Variants in BRINP3 observed in about 807,000 individuals in gnomAD.
BRINP3 encodes BMP/retinoic acid-inducible neural-specific protein 3.
Under a neutral mutation model 71.0 loss-of-function variants are expected in BRINP3, and 19 were observed. The observed-to-expected ratio is 0.27, with a 90% CI of 0.19 to 0.39. The LOEUF is 0.39. BRINP3 is among the 10% of genes least tolerant of loss of function. BRINP3 has a pLI of 1.00. For missense variants in BRINP3, 959 were observed against 940.8 expected (o/e 1.02, Z -0.25); for synonymous variants, 380 against 337.7 (o/e 1.13, Z -1.37).
Position 190,185,697 on chromosome 1 carries a change from T to G in BRINP3, c.962-24807A>C, listed in dbSNP as rs1190690661. Among the ~76,000 whole-genome samples the G allele has an allele frequency of 2.0e-5, 3 of 152,112 alleles. No individual in the cohort carries two copies. In the East Asian group the frequency reaches 5.8e-4, roughly 29 times the overall value. On this transcript the variant is annotated intron_variant, in intron 6 of 7. Coordinates refer to ENST00000367462, the MANE Select transcript of BRINP3 (RefSeq NM_199051.3). ...ATGTATATAATGCCATCTACTAGAT[T>G]ATAGTACTCAAATACAAATATTTGA...
chr1:190,453,993 A>G (rs544448297), intron 2 of BRINP3, among the ~76,000 whole-genome samples: 2 of 152,350 alleles, frequency 1.3e-5, no homozygotes, highest in African/African-American at 4.8e-5. Flanking sequence ...TCTTCTACTT[A>G]ATGTATTCAC....
At chr1:190,123,007 T>G (rs1653806094) in intron 7 of BRINP3, among the ~76,000 whole-genome samples, 1 of 152,100 alleles carries the variant, frequency 6.6e-6, no homozygotes, top group Admixed American at 6.6e-5. Context: ...GCAACCAGAC[T>G]TGAACTTTCT....
chr1:190,375,177 G>A (rs1027294075), intron 2 of BRINP3, among the ~76,000 whole-genome samples: 1 of 151,712 alleles, frequency 6.6e-6, no homozygotes, highest in Non-Finnish European at 1.5e-5. Context: ...AAAGGAGTTG[G>A]GTCAATAACT....
intron 2 of BRINP3, among the ~76,000 whole-genome samples, chr1:190,292,976 T>G (rs2102972356): frequency 6.6e-6 from 1 of 152,152 alleles, no homozygotes; most frequent in African/African-American, 2.4e-5. Context: ...TTTTTAAAAA[T>G]ATTATTTTTG....
intron 2 of BRINP3, among the ~76,000 whole-genome samples, chr1:190,365,619 A>T (rs1669437098): frequency 6.8e-6 from 1 of 146,564 alleles, no homozygotes; most frequent in Admixed American, 6.9e-5. Flanking sequence ...AAAATATATT[A>T]ATATATTTTA....
chr1:190,434,781 T>G (rs182751085), intron 2 of BRINP3, among the ~76,000 whole-genome samples: 130 of 152,272 alleles, frequency 8.5e-4, no homozygotes, highest in Non-Finnish European at 3.1e-4. Flanking sequence ...TTAATTTTAT[T>G]TGCCTTGATT....
chr1:190,436,033 C>T (rs1322446986), intron 2 of BRINP3, among the ~76,000 whole-genome samples: 1 of 151,790 alleles, frequency 6.6e-6, no homozygotes, highest in South Asian at 2.1e-4. Flanking sequence ...AAATTAGTTA[C>T]CCATCTGTTT....
In BRINP3 at chr1:190,477,620, G is replaced by A. The variant is rs1291382223; in HGVS notation, c.-223C>T. 1 of 151,550 alleles carries A rather than the reference G, an allele frequency of 6.6e-6. No homozygotes were observed. The highest frequency in any genetic ancestry group is 2.4e-5 in the African/African-American group (1 of 41,250). The allele number at this position is 151,550 out of a possible 1,614,324, so 9.4% of individuals were successfully genotyped here. A position where few individuals can be genotyped will look rare whatever the true frequency, so the allele number is the denominator to read the frequency against. On this transcript the variant is annotated 5_prime_UTR_variant, in exon 1 of 8. Transcript: ENST00000367462. Reference sequence around the variant, plus strand: ...ACCAAGTAAAAACCAGTTACACAGAGAGCCACGAACCCCCAAGGCAAGAAA... The same window carrying A: ...ACCAAGTAAAAACCAGTTACACAGAAAGCCACGAACCCCCAAGGCAAGAAA...
At chr1:190,232,248 A>G (rs899900402) in intron 5 of BRINP3, among the ~76,000 whole-genome samples, 1 of 152,016 alleles carries the variant, frequency 6.6e-6, no homozygotes, top group Non-Finnish European at 1.5e-5. Context: ...AGTGTTTTCA[A>G]TTGCCACATA....
chr1:190,355,300 C>T (rs965331556), intron 2 of BRINP3, among the ~76,000 whole-genome samples: 4 of 151,822 alleles, frequency 2.6e-5, no homozygotes, highest in African/African-American at 9.7e-5. Flanking sequence ...GAATCACTTA[C>T]AAAATTGCCA....
At chr1:190,438,307 T>A (rs1022534283) in intron 2 of BRINP3, among the ~76,000 whole-genome samples, 1 of 151,646 alleles carries the variant, frequency 6.6e-6, no homozygotes, top group Non-Finnish European at 1.5e-5. Flanking sequence ...TTATACAAGA[T>A]AATCTCAAAT....
intron 6 of BRINP3, among the ~76,000 whole-genome samples, chr1:190,180,349 T>C (rs565344371): frequency 4.6e-5 from 7 of 152,220 alleles, no homozygotes; most frequent in Admixed American, 4.6e-4. Flanking sequence ...TCTATAGATA[T>C]AGCTGTTACT....
At chr1:190,371,130 TACTC>T (rs1287218786) in intron 2 of BRINP3, among the ~76,000 whole-genome samples, 2 of 152,166 alleles carry the variant, frequency 1.3e-5, no homozygotes, top group African/African-American at 4.8e-5. Flanking sequence ...GTAGGTAGAC[TACTC>T]ACTCTGTTTC....
intron 2 of BRINP3, among the ~76,000 whole-genome samples, chr1:190,318,970 T>C (rs944386413): frequency 6.6e-5 from 10 of 152,088 alleles, no homozygotes; most frequent in Non-Finnish European, 1.3e-4. Context: ...ATTTTATGAA[T>C]TGAACAGCTT....
At position 190,416,898 on chromosome 1, in the gene BRINP3, G is replaced by A. The variant is rs182917360; in HGVS notation, c.236+37757C>T. On this transcript the variant is annotated intron_variant, in intron 2 of 7. Transcript: ENST00000367462. Reference sequence around the variant, plus strand: ...AAATACCTCAGTAAGTAGAGACACCGGAAGTTTTCCTCCAGATCCAAGCAA... The same window carrying A: ...AAATACCTCAGTAAGTAGAGACACCAGAAGTTTTCCTCCAGATCCAAGCAA... Among the ~76,000 whole-genome samples the A allele has an allele frequency of 1.2e-4, 18 of 152,198 alleles. No homozygotes were observed. In the South Asian group the frequency reaches 2.5e-3, roughly 21 times the overall value.
At chr1:190,149,665 G>C (rs181941776) in intron 7 of BRINP3, among the ~76,000 whole-genome samples, 20 of 151,472 alleles carry the variant, frequency 1.3e-4, no homozygotes, top group African/African-American at 4.8e-4. Flanking sequence ...GTATGTGAGA[G>C]AGAGAGACCT....
At chr1:190,406,395 ATACT>A (rs1343281840) in intron 2 of BRINP3, among the ~76,000 whole-genome samples, 1 of 152,212 alleles carries the variant, frequency 6.6e-6, no homozygotes, top group Non-Finnish European at 1.5e-5. Flanking sequence ...AAATCACATT[ATACT>A]ACTATTTCTA....
chr1:190,471,565 A>G (rs1218755397), intron 1 of BRINP3, among the ~76,000 whole-genome samples: 1 of 151,382 alleles, frequency 6.6e-6, no homozygotes, highest in African/African-American at 2.4e-5. Context: ...AAATTAAAAC[A>G]CCAAAAATGC....
chr1:190,433,011 G>A (rs1296951939), intron 2 of BRINP3, among the ~76,000 whole-genome samples: 1 of 151,978 alleles, frequency 6.6e-6, no homozygotes, highest in African/African-American at 2.4e-5. Context: ...AAGAAATAGA[G>A]ACCAAAAAAA....
Sources: allele counts gnomAD v4.1 joint callset (sites outside exome capture counted in the v4.1 genomes callset), GRCh38; gene constraint gnomAD v4.1.1; transcripts MANE v1.5; gene names NCBI Gene and HGNC (gene_info 2026-07-23, HGNC 2026-07-21).